AP2B1: variants seen among roughly 807,000 people sequenced by gnomAD.
AP2B1 encodes the protein AP-2 complex subunit beta.
AP2B1 carries 23 observed loss-of-function variants against 102.0 expected under a neutral mutation model. The observed-to-expected ratio is 0.23, with a 90% CI of 0.16 to 0.32. AP2B1 has a LOEUF of 0.32. AP2B1 is among the 10% of genes least tolerant of loss of function. The pLI, the probability that AP2B1 is intolerant of heterozygous loss-of-function variation, is 1.00. For missense variants in AP2B1, 541 were observed against 1,157.4 expected (o/e 0.47, Z 7.73); for synonymous variants, 381 against 421.2 (o/e 0.90, Z 1.17).
At chr17:35,635,396 G>GT (rs2074578025) in intron 9 of AP2B1, among the ~76,000 whole-genome samples, 1 of 146,930 alleles carries the variant, frequency 6.8e-6, no homozygotes, top group South Asian at 2.2e-4. Flanking sequence ...GTTTTGTTTT[G>GT]TTTTTTGAGA....
rs376625253 is a variant in AP2B1 at position 35,627,382 on chromosome 17, T to C, written c.939-3T>C. ...TCCTTTCTTCTGTTTCTGTGTACCC[T>C]AGGCCTGAAATCTTGAAGCAGGAAA... On this transcript the variant is annotated splice_polypyrimidine_tract_variant and splice_region_variant and intron_variant, in intron 7 of 21. Coordinates refer to ENST00000610402, the MANE Select transcript of AP2B1 (RefSeq NM_001030006.2). 2 of 1,604,822 alleles carry C rather than the reference T, an allele frequency of 1.2e-6. No individual in the cohort carries two copies. The highest frequency in any genetic ancestry group is 2.7e-5 in the African/African-American group (2 of 74,092).
At position 35,717,331 on chromosome 17, in the gene AP2B1, A is replaced by G. The variant is rs781905833; in HGVS notation, c.2763A>G (p.Pro921=). ...IWILAELRIQ[P]GNPNYTLSLK... ...TTTTGGCCGAACTACGTATCCAGCC[A>G]GGAAACCCCAATTACACGGTAAGGC... Residue 921 remains proline, a synonymous_variant, in exon 21 of 22, where the codon CCA becomes CCG. Coordinates refer to ENST00000610402, the MANE Select transcript of AP2B1 (RefSeq NM_001030006.2). 6.2e-6 allele frequency: 10 copies of G among 1,614,104 alleles called. No individual in the cohort carries two copies. The highest frequency in any genetic ancestry group is 8.5e-6 in the Non-Finnish European group (10 of 1,180,022).
At chr17:35,626,159 C>G (rs923062761) in intron 6 of AP2B1, among the ~76,000 whole-genome samples, 2 of 152,154 alleles carry the variant, frequency 1.3e-5, no homozygotes, top group African/African-American at 4.8e-5. Context: ...CTGCCTCCTG[C>G]TGTATCTTAC....
intron 13 of AP2B1, among the ~76,000 whole-genome samples, chr17:35,656,691 C>T (rs577940732): frequency 4.6e-5 from 7 of 151,776 alleles, no homozygotes; most frequent in South Asian, 4.2e-4. Context: ...GTCAGGAGAT[C>T]GAGACCACGG....
chr17:35,712,262 T>C (rs2076466911), intron 20 of AP2B1, among the ~76,000 whole-genome samples: 1 of 152,180 alleles, frequency 6.6e-6, no homozygotes, highest in African/African-American at 2.4e-5. Flanking sequence ...CCTGGTTATA[T>C]TCACCTTTGT....
chr17:35,679,144 G>C (rs1005381210), intron 17 of AP2B1, among the ~76,000 whole-genome samples: 2 of 152,162 alleles, frequency 1.3e-5, no homozygotes, highest in African/African-American at 4.8e-5. Flanking sequence ...GACTTCTATA[G>C]AAAAGGAAGC....
At chr17:35,690,078 G>A (rs1254083938) in intron 18 of AP2B1, among the ~76,000 whole-genome samples, 1 of 151,998 alleles carries the variant, frequency 6.6e-6, no homozygotes. Context: ...TTACATATGT[G>A]TTAGACTACT....
chr17:35,724,684 C>T lies in AP2B1; in HGVS notation c.*985C>T, dbSNP rs1272478733. On this transcript the variant is annotated 3_prime_UTR_variant, in exon 22 of 22. Transcript: ENST00000610402. ...GAAAGATAAAAGGCACAAAGGTTAC[C>T]GCCAAGGCCCGTCAGCTGTGTAGTG... 2 of 152,178 alleles carry T rather than the reference C, an allele frequency of 1.3e-5. No individual in the cohort carries two copies. The highest frequency in any genetic ancestry group is 2.9e-5 in the Non-Finnish European group (2 of 68,030). The allele number at this position is 152,178 out of a possible 1,614,324, so 9.4% of individuals were successfully genotyped here.
At chr17:35,710,065 G>T (rs2076416775) in intron 19 of AP2B1, among the ~76,000 whole-genome samples, 169 bp from the exon 20 acceptor site, 1 of 152,192 alleles carries the variant, frequency 6.6e-6, no homozygotes, top group African/African-American at 2.4e-5. Flanking sequence ...CGGATTAATT[G>T]ATCTGAAGTA....
chr17:35,694,961 C>G (rs587758590), intron 18 of AP2B1, among the ~76,000 whole-genome samples: 1 of 152,236 alleles, frequency 6.6e-6, no homozygotes, highest in African/African-American at 2.4e-5. Flanking sequence ...CTCTGCCCCC[C>G]TCTTCCCACC....
chr17:35,592,361 A>G (rs1047341027), intron 1 of AP2B1, among the ~76,000 whole-genome samples: 2 of 151,816 alleles, frequency 1.3e-5, no homozygotes, highest in South Asian at 4.1e-4. Flanking sequence ...ATATTTATAT[A>G]TTTTTTTCCC....
chr17:35,702,444 A>G (rs1234631435), intron 18 of AP2B1, among the ~76,000 whole-genome samples: 2 of 152,226 alleles, frequency 1.3e-5, no homozygotes, highest in African/African-American at 4.8e-5. Context: ...GGAAGGAACA[A>G]CAGGCTCCTG....
Position 35,641,912 on chromosome 17 carries a change from G to C in AP2B1, c.1473G>C (p.Leu491=). The C allele has an allele frequency of 6.2e-7, 1 of 1,612,966 alleles. No individual in the cohort carries two copies. Among genetic ancestry groups the C allele is most frequent in the South Asian group, 1.1e-5 (1 of 90,948 alleles). Residue 491 remains leucine, a synonymous_variant, in exon 12 of 22, where the codon CTG becomes CTC. Transcript: ENST00000610402. ...QLTLLTAIVK[L]FLKKPSETQE... Reference sequence around the variant, plus strand: ...CTCTGCTTACTGCCATAGTGAAGCTGTTTCTCAAGAAACCATCAGAAACAC... The same window carrying C: ...CTCTGCTTACTGCCATAGTGAAGCTCTTTCTCAAGAAACCATCAGAAACAC...
At chr17:35,711,313 T>G (rs1398777393) in intron 20 of AP2B1, among the ~76,000 whole-genome samples, 5 of 151,552 alleles carry the variant, frequency 3.3e-5, no homozygotes, top group Middle Eastern at 3.4e-3. Context: ...CTGCATACAT[T>G]GGTGGTTCTC....
At chr17:35,594,188 G>C (rs1252611979) in intron 2 of AP2B1, 121 bp downstream of exon 2, 1 of 596,516 alleles carries the variant, frequency 1.7e-6, no homozygotes. Flanking sequence ...AATCTCACTG[G>C]ACATCTACTA....
intron 12 of AP2B1, among the ~76,000 whole-genome samples, chr17:35,644,704 C>T (rs1360679507): frequency 6.6e-6 from 1 of 151,882 alleles, no homozygotes; most frequent in Non-Finnish European, 1.5e-5. Flanking sequence ...TTTTTCTGTC[C>T]AATTAATTAA....
intron 20 of AP2B1, among the ~76,000 whole-genome samples, chr17:35,711,864 G>A (rs1381271474): frequency 1.3e-5 from 2 of 152,114 alleles, no homozygotes; most frequent in African/African-American, 4.8e-5. Context: ...CAACATCATA[G>A]TGATCAGCTT....
intron 5 of AP2B1, among the ~76,000 whole-genome samples, chr17:35,620,582 A>G (rs1043240871): frequency 2.6e-5 from 4 of 152,140 alleles, no homozygotes; most frequent in Non-Finnish European, 4.4e-5. Context: ...TGGGAGGCCA[A>G]ACTGGGAGGA....
At position 35,655,258 on chromosome 17, in the gene AP2B1, A is replaced by G. The variant is rs535488367; in HGVS notation, c.1797-2341A>G. Among the ~76,000 whole-genome samples, 9 of 152,286 alleles carry G rather than the reference A, an allele frequency of 5.9e-5. No individual in the cohort carries two copies. The East Asian group carries it at 1.7e-3, about 29-fold the overall frequency. Reference sequence around the variant, plus strand: ...GTGCTCAATGAATTTTTACATATGTATACACTCATATAATCACTACCCTGA... The same window carrying G: ...GTGCTCAATGAATTTTTACATATGTGTACACTCATATAATCACTACCCTGA... On this transcript the variant is annotated intron_variant, in intron 13 of 21. Transcript: ENST00000610402.
Sources: allele counts gnomAD v4.1 joint callset (sites outside exome capture counted in the v4.1 genomes callset), GRCh38; gene constraint gnomAD v4.1.1; transcripts MANE v1.5; gene names NCBI Gene and HGNC (gene_info 2026-07-23, HGNC 2026-07-21).